Variants in OCLN observed in about 807,000 individuals in gnomAD.
OCLN encodes the protein phosphatase 1, regulatory subunit 115.
A neutral mutation model predicts 47.9 loss-of-function variants in OCLN; 21 were observed. The observed-to-expected ratio is 0.44, with a 90% confidence interval of 0.31 to 0.63. OCLN has a LOEUF of 0.63. Ranked by LOEUF, OCLN falls within the 30% of genes least tolerant of loss-of-function variation. The pLI is 0.08. For missense variants in OCLN, 360 were observed against 571.0 expected (o/e 0.63, Z 3.77); for synonymous variants, 117 against 198.4 (o/e 0.59, Z 3.45).
At chr5:69,514,305 TC>T (rs1360552384) in intron 4 of OCLN, among the ~76,000 whole-genome samples, 196 bp downstream of exon 4, 1 of 152,194 alleles carries the variant, frequency 6.6e-6, no homozygotes, top group East Asian at 1.9e-4. Context: ...AAATCAGATT[TC>T]CATTTTCAAG....
chr5:69,528,130 G>A (rs576098083), intron 4 of OCLN, among the ~76,000 whole-genome samples: 1 of 152,258 alleles, frequency 6.6e-6, no homozygotes, highest in East Asian at 1.9e-4. Context: ...GAACTTTCCA[G>A]TCGATTTTGA....
In OCLN at chr5:69,509,209, C is replaced by G; in HGVS notation, c.119C>G (p.Ser40Cys). Residue 40 changes from serine (S) to cysteine (C), a missense_variant, in exon 3 of 9, where the codon TCT (serine) becomes TGT (cysteine). This residue lies in a region of OCLN where 314 missense variants were observed against 368.1 expected (regional missense o/e 0.85). Coordinates refer to ENST00000396442, the MANE Select transcript of OCLN (RefSeq NM_001205254.2). The stretch of plus-strand genomic sequence containing the variant: ...GAGATGCATGTTCGACCAATGCTCT[C>G]TCAGCCAGCCTACTCTTTTTACCCA... ...GGEMHVRPML[S>C]QPAYSFYPED... 3 of 1,614,162 alleles carry G rather than the reference C, an allele frequency of 1.9e-6. No homozygotes were observed. The highest frequency in any genetic ancestry group is 2.5e-6 in the Non-Finnish European group (3 of 1,179,988).
intron 4 of OCLN, among the ~76,000 whole-genome samples, chr5:69,528,789 C>T (rs1241518145): frequency 3.3e-5 from 5 of 152,152 alleles, no homozygotes; most frequent in Admixed American, 1.3e-4. Flanking sequence ...TCGGGTTTGC[C>T]TGGCACATGC....
chr5:69,528,796 A>G (rs1007688806), intron 4 of OCLN, among the ~76,000 whole-genome samples: 6 of 152,346 alleles, frequency 3.9e-5, no homozygotes, highest in East Asian at 3.9e-4. Flanking sequence ...TGCCTGGCAC[A>G]TGCTGAATAC....
chr5:69,525,593 T>G (rs778570323), intron 4 of OCLN, among the ~76,000 whole-genome samples: 1 of 152,174 alleles, frequency 6.6e-6, no homozygotes, highest in Non-Finnish European at 1.5e-5. Context: ...CTCTTCTACT[T>G]TTTACCTTTT....
At position 69,493,505 on chromosome 5, in the gene OCLN, G is replaced by A. The variant is rs1299701514; in HGVS notation, c.-69+605G>A. Reference sequence around the variant, plus strand: ...ACTGGCTACTTCGAATCCACTTGTTGCGAGTTGTGTGAACCCGCGTCGATT... The same window carrying A: ...ACTGGCTACTTCGAATCCACTTGTTACGAGTTGTGTGAACCCGCGTCGATT... On this transcript the variant is annotated intron_variant, in intron 1 of 8. Transcript: ENST00000396442. The surrounding 1 kb of genome is among the most constrained non-coding windows in gnomAD (Gnocchi z 5.3). Among the ~76,000 whole-genome samples, 1 of 152,172 alleles carries A rather than the reference G, an allele frequency of 6.6e-6. No individual in the cohort carries two copies. The highest frequency in any genetic ancestry group is 2.4e-5 in the African/African-American group (1 of 41,442).
In OCLN at chr5:69,514,327, T is replaced by G. The variant is rs137874268; in HGVS notation, c.891+218T>G. 7.6e-4 allele frequency among the ~76,000 whole-genome samples: 116 copies of G among 152,292 alleles called. 1 individual carries two copies. The East Asian group carries it at 0.02, about 27-fold the overall frequency. On this transcript the variant is annotated intron_variant, in intron 4 of 8. Coordinates refer to ENST00000396442, the MANE Select transcript of OCLN (RefSeq NM_001205254.2). ...ATTTCCATTTTCAAGGAGTGAATCT[T>G]GGTTTTGAAAAGAAATGGCTTCTAA...
Position 69,495,345 on chromosome 5 carries a change from A to G in OCLN, c.-69+2445A>G, listed in dbSNP as rs547624913. Among the ~76,000 whole-genome samples, 49 of 152,278 alleles carry G rather than the reference A, an allele frequency of 3.2e-4. No individual in the cohort carries two copies. The South Asian group carries it at 9.7e-3, about 30-fold the overall frequency. On this transcript the variant is annotated intron_variant, in intron 1 of 8. Coordinates refer to ENST00000396442, the MANE Select transcript of OCLN (RefSeq NM_001205254.2). ...GTGGTATGAATCACTTAGGGATCCT[A>G]TTAAAACACAGATTCTGATTGGGAG...
intron 4 of OCLN, among the ~76,000 whole-genome samples, chr5:69,528,392 C>T (rs1382322493): frequency 2.0e-5 from 2 of 98,248 alleles, no homozygotes; most frequent in African/African-American, 4.3e-5. Flanking sequence ...TGTTCCTAAA[C>T]GCTGACCTAA....
intron 4 of OCLN, among the ~76,000 whole-genome samples, chr5:69,517,165 T>A (rs182985062): frequency 2.8e-3 from 424 of 152,218 alleles, no homozygotes; most frequent in South Asian, 5.8e-3. Flanking sequence ...ACAGGGTTCT[T>A]TGAGCAGATT....
At chr5:69,513,787 A>G (rs1201524411) in intron 3 of OCLN, among the ~76,000 whole-genome samples, 161 bp from the exon 4 acceptor site, 1 of 152,220 alleles carries the variant, frequency 6.6e-6, no homozygotes, top group African/African-American at 2.4e-5. Flanking sequence ...AGGTTTTATG[A>G]TATGTCTGAA....
At chr5:69,511,270 A>G (rs1204667171) in intron 3 of OCLN, among the ~76,000 whole-genome samples, 1 of 147,868 alleles carries the variant, frequency 6.8e-6, no homozygotes, top group Non-Finnish European at 1.5e-5. Flanking sequence ...TTTTTAGTAG[A>G]GATGGGGTTT....
Position 69,557,990 on chromosome 5 carries a change from GC to G in OCLN, c.*4321del, listed in dbSNP as rs1380764361. The G allele has an allele frequency of 6.7e-6, 1 of 148,536 alleles. No individual in the cohort carries two copies. Among genetic ancestry groups the G allele is most frequent in the African/African-American group, 2.5e-5 (1 of 40,682 alleles). The allele number at this position is 148,536 out of a possible 1,614,324, so 9.2% of individuals were successfully genotyped here. A position where few individuals can be genotyped will look rare whatever the true frequency, so the allele number is the denominator to read the frequency against. On this transcript the variant is annotated 3_prime_UTR_variant, in exon 9 of 9. Coordinates refer to ENST00000396442, the MANE Select transcript of OCLN (RefSeq NM_001205254.2). ...ATTAGAATATGTCAGTCATAATCAT[GC>G]CAAGAGATTATGGATTTATGCATAT...
chr5:69,523,559 G>A (rs1769198967), intron 4 of OCLN, among the ~76,000 whole-genome samples: 1 of 148,558 alleles, frequency 6.7e-6, no homozygotes. Context: ...TTTTTGAGAT[G>A]AAGTCTTGCT....
At chr5:69,515,524 C>T (rs1580562698) in intron 4 of OCLN, among the ~76,000 whole-genome samples, 5 of 113,160 alleles carry the variant, frequency 4.4e-5, no homozygotes, top group South Asian at 5.5e-4. Context: ...GGCGGCTGGC[C>T]GGGCGGGGGG....
At chr5:69,513,461 GT>G (rs1380432693) in intron 3 of OCLN, among the ~76,000 whole-genome samples, 5 of 152,198 alleles carry the variant, frequency 3.3e-5, no homozygotes, top group Non-Finnish European at 4.4e-5. Flanking sequence ...TACATTCAGT[GT>G]AAAAAGGCTT....
intron 4 of OCLN, among the ~76,000 whole-genome samples, chr5:69,515,995 C>T (rs1238159520): frequency 4.7e-5 from 7 of 150,500 alleles, no homozygotes; most frequent in Non-Finnish European, 8.9e-5. Flanking sequence ...CGGGCAGAGA[C>T]GCTCCTCACT....
chr5:69,547,151 CAA>C (rs932515715), intron 6 of OCLN, among the ~76,000 whole-genome samples: 9 of 151,342 alleles, frequency 5.9e-5, no homozygotes, highest in Admixed American at 5.3e-4. Context: ...TTCGGAAAAA[CAA>C]GAGCAAAAAA....
At chr5:69,503,608 G>A (rs1346475073) in intron 1 of OCLN, among the ~76,000 whole-genome samples, 3 of 152,124 alleles carry the variant, frequency 2.0e-5, no homozygotes, top group African/African-American at 7.2e-5. Context: ...AGATGTTTAG[G>A]AACTTGTGCT....
Sources: gnomAD v4.1 joint callset for allele counts (sites outside exome capture counted in the v4.1 genomes callset) on GRCh38, gnomAD v4.1.1 for gene constraint, gnomAD v4.1.1 regional missense constraint, Gnocchi (gnomAD v3.1) non-coding constraint, MANE v1.5 for transcripts, NCBI Gene and HGNC (gene_info 2026-07-23, HGNC 2026-07-21) for gene names.